The following PNISR variants were observed in gnomAD, a reference collection of about 807,000 sequenced individuals.
PNISR encodes the protein PNN interacting serine and arginine rich protein.
PNISR carries 20 observed loss-of-function variants against 93.4 expected under a neutral mutation model. The observed-to-expected ratio is 0.21, with a 90% confidence interval of 0.15 to 0.31. PNISR has a LOEUF of 0.31. PNISR is among the 10% of genes least tolerant of loss of function. PNISR has a pLI of 1.00. For missense variants in PNISR, 893 were observed against 985.4 expected (o/e 0.91, Z 1.25); for synonymous variants, 305 against 306.5 (o/e 0.99, Z 0.05).
chr6:99,407,946 C>T (rs1776363883), intron 7 of PNISR, 135 bp downstream of exon 7: 2 of 617,498 alleles, frequency 3.2e-6, no homozygotes, highest in East Asian at 2.7e-5. Flanking sequence ...AAATCAGAAT[C>T]CTCAATATAC....
At chr6:99,402,759 A>G in intron 10 of PNISR, 49 bp from the exon 11 acceptor site, 1 of 1,372,986 alleles carries the variant, frequency 7.3e-7, no homozygotes, top group Non-Finnish European at 9.8e-7. Flanking sequence ...TATACTATGC[A>G]CTAAAAACTT....
chr6:99,403,789 T>C (rs543505220), intron 10 of PNISR, 40 bp downstream of exon 10: 1 of 1,482,656 alleles, frequency 6.7e-7, no homozygotes. Context: ...ATGTGTGATT[T>C]TTCCCTTTAG....
At chr6:99,411,250 T>C (rs1297066578) in intron 4 of PNISR, among the ~76,000 whole-genome samples, 1 of 152,238 alleles carries the variant, frequency 6.6e-6, no homozygotes, top group Non-Finnish European at 1.5e-5. Context: ...TGTTGAATTT[T>C]TATATTTGTT....
rs1776824815 is a variant in PNISR at position 99,410,860 on chromosome 6, T to C, written c.382A>G (p.Ser128Gly). 1 of 1,614,098 alleles carries C rather than the reference T, an allele frequency of 6.2e-7. No individual in the cohort carries two copies. Among genetic ancestry groups the C allele is most frequent in the Non-Finnish European group, 8.5e-7 (1 of 1,179,954 alleles). The change falls in exon 5 of 12, where the codon AGT becomes GGT. Residue 128 changes from serine to glycine, a missense_variant. Coordinates refer to ENST00000369239, the MANE Select transcript of PNISR (RefSeq NM_032870.4). The part of the protein sequence containing the change: ...DIVPPSEDSN[S>G]QDSGEFAPDN... ...GGGGCAAATTCCCCACTGTCCTGAC[T>C]GTTGCTGTCTTCAGAAGGAGGAACA... is the stretch of plus-strand genomic sequence containing the variant.
chr6:99,399,832 C>T lies in PNISR; in HGVS notation c.*708G>A, dbSNP rs1332830928. ...GGTACAATTTACAAACTTTGACAAA[C>T]TATTAAGTAAAAACCATTTTCTTTG... On this transcript the variant is annotated 3_prime_UTR_variant, in exon 12 of 12. Transcript: ENST00000369239. 6.6e-6 allele frequency: 1 copy of T among 152,144 alleles called. No individual in the cohort carries two copies. Among genetic ancestry groups the T allele is most frequent in the Non-Finnish European group, 1.5e-5 (1 of 67,996 alleles). The allele number at this position is 152,144 out of a possible 1,614,324, so 9.4% of individuals were successfully genotyped here.
chr6:99,402,562 T>C lies in PNISR; in HGVS notation c.1305A>G (p.Leu435=), dbSNP rs776549076. 6.2e-7 allele frequency: 1 copy of C among 1,613,042 alleles called. No individual in the cohort carries two copies. The highest frequency in any genetic ancestry group is 8.5e-7 in the Non-Finnish European group (1 of 1,179,286). The change falls in exon 11 of 12, where the codon CTA becomes CTG. Residue 435 remains leucine (L), a synonymous_variant. Coordinates refer to ENST00000369239, the MANE Select transcript of PNISR (RefSeq NM_032870.4). Reference sequence around the variant, plus strand: ...CACCTTCCATCTGTTTATCATGTAATAGCTGCTGTTCTTTTTCTTTTCTCC... The same window carrying C: ...CACCTTCCATCTGTTTATCATGTAACAGCTGCTGTTCTTTTTCTTTTCTCC... ...AFWRKEKEQQ[L]LHDKQMEEEK...
rs377233585 is a variant in PNISR, at chr6:99,401,531, C to A, written c.1427G>T (p.Gly476Val). ...TCTCTTCTTTTCATTAACCACATCA[C>A]CGTCTGCTTCTCTTGCTTCTAGTAG... Reference protein sequence around the residue: ...LSLLEAREADGDVVNEKKRTP... With the variant: ...LSLLEAREADVDVVNEKKRTP... The change falls in exon 12 of 12, where the codon GGT becomes GTT. Residue 476 changes from glycine to valine, a missense_variant. Transcript: ENST00000369239. 1 of 1,612,426 alleles carries A rather than the reference C, an allele frequency of 6.2e-7. No homozygotes were observed. Among genetic ancestry groups the A allele is most frequent in the Non-Finnish European group, 8.5e-7 (1 of 1,179,618 alleles).
chr6:99,414,539 C>T (rs774096272), intron 3 of PNISR, 33 bp downstream of exon 3: 2 of 1,146,332 alleles, frequency 1.7e-6, no homozygotes, highest in South Asian at 1.2e-5. Context: ...ACATATCCAA[C>T]CCCGCCCTTT....
intron 8 of PNISR, 116 bp from the exon 9 acceptor site, chr6:99,404,818 G>GGAT: frequency 1.7e-6 from 1 of 588,910 alleles, no homozygotes; most frequent in East Asian, 3.0e-5. Flanking sequence ...TCACTCTGTT[G>GGAT]CCCAGGCTGG....
chr6:99,410,807 G>A lies in PNISR; in HGVS notation c.435C>T (p.Asn145=), dbSNP rs369066773. The change falls in exon 5 of 12, where the codon AAC becomes AAT. Residue 145 remains asparagine, a synonymous_variant. Transcript: ENST00000369239. ...CGGGTGGTCCACCAAAGTTGTGATT[G>A]TTCTGGTTAAATATATGCCTGTTGT... ...APDNRHIFNQ[N]NHNFGGPPDN... The A allele has an allele frequency of 3.1e-6, 5 of 1,613,976 alleles. No homozygotes were observed. The highest frequency in any genetic ancestry group is 4.5e-5 in the East Asian group (2 of 44,890).
intron 1 of PNISR, among the ~76,000 whole-genome samples, chr6:99,418,034 A>G (rs1012158959): frequency 5.3e-5 from 8 of 151,552 alleles, no homozygotes; most frequent in African/African-American, 1.5e-4. Context: ...TTTCTTTTCC[A>G]GAAGCAATCT....
chr6:99,409,487 T>C (rs532818948), intron 5 of PNISR, 143 bp from the exon 6 acceptor site: 2 of 661,298 alleles, frequency 3.0e-6, no homozygotes, highest in Non-Finnish European at 4.9e-6. Flanking sequence ...CACCGATACT[T>C]CTATGGTCCC....
rs774833868 is a variant in PNISR at position 99,401,316 on chromosome 6, GAGA to G, written c.1639_1641del (p.Ser547del). The G allele has an allele frequency of 5.0e-6, 8 of 1,613,856 alleles. No individual in the cohort carries two copies. Among genetic ancestry groups the G allele is most frequent in the African/African-American group, 1.3e-5 (1 of 74,896 alleles). ...TTTTTCCTTTTAGGAGAAGAAGACC[GAGA>G]AGAAGTACGACTACTACCTGAGCTA... On this transcript the variant is annotated inframe_deletion, in exon 12 of 12. Coordinates refer to ENST00000369239, the MANE Select transcript of PNISR (RefSeq NM_032870.4).
chr6:99,413,329 C>A (rs968576682), intron 3 of PNISR, among the ~76,000 whole-genome samples: 6 of 152,028 alleles, frequency 3.9e-5, no homozygotes, highest in African/African-American at 1.2e-4. Context: ...ATTCATTTCC[C>A]CACTATCTTG....
chr6:99,407,021 AT>A (rs11331124), intron 7 of PNISR, among the ~76,000 whole-genome samples: 148,182 of 151,974 alleles, frequency 0.98, 72,355 homozygotes, highest in South Asian at 1. Flanking sequence ...TCATGTAAAG[AT>A]TTTTTTTTAA....
chr6:99,424,391 CAT>C (rs1345516800), intron 1 of PNISR, among the ~76,000 whole-genome samples: 1 of 150,172 alleles, frequency 6.7e-6, no homozygotes, highest in Admixed American at 6.7e-5. Flanking sequence ...TGTTCTAAAA[CAT>C]AAAGTCTATT....
intron 5 of PNISR, chr6:99,409,638 C>T (rs1776634481): frequency 4.1e-6 from 1 of 244,186 alleles, no homozygotes; most frequent in Non-Finnish European, 7.9e-6. Context: ...CCTACCAACA[C>T]TAAGACATCA....
intron 3 of PNISR, 116 bp downstream of exon 3, chr6:99,414,456 C>T (rs1777400556): frequency 4.2e-6 from 2 of 481,194 alleles, no homozygotes; most frequent in East Asian, 6.5e-5. Flanking sequence ...TAAATTCTGA[C>T]CATAAAATGA....
At chr6:99,405,946 TTC>T (rs1776111407) in intron 8 of PNISR, 83 bp downstream of exon 8, 3 of 841,476 alleles carry the variant, frequency 3.6e-6, no homozygotes, top group Non-Finnish European at 5.6e-6. Context: ...CAGTTCTAGT[TTC>T]TGTTTTTTCC....
Sources: gnomAD v4.1 joint callset for allele counts (sites outside exome capture counted in the v4.1 genomes callset) on GRCh38, gnomAD v4.1.1 for gene constraint, MANE v1.5 for transcripts, NCBI Gene and HGNC (gene_info 2026-07-23, HGNC 2026-07-21) for gene names.